The following CNTNAP2 variants were observed in gnomAD, a reference collection of about 807,000 sequenced individuals.
CNTNAP2 encodes contactin associated protein 2.
A neutral mutation model predicts 155.2 loss-of-function variants in CNTNAP2; 98 were observed. The observed-to-expected ratio is 0.63, with a 90% CI of 0.54 to 0.75. CNTNAP2 has a LOEUF of 0.75. Ranked by LOEUF, CNTNAP2 falls within the 30% of genes least tolerant of loss-of-function variation. The pLI is 0.00. For missense variants in CNTNAP2, 1,727 were observed against 1,688.1 expected, an observed-to-expected ratio of 1.02 and a Z score of -0.40; for synonymous variants, 651 against 631.2, an observed-to-expected ratio of 1.03 and a Z score of -0.47.
At chr7:146,339,239 A>G (rs1380942874) in intron 1 of CNTNAP2, among the ~76,000 whole-genome samples, 2 of 151,696 alleles carry the variant, frequency 1.3e-5, no homozygotes, top group East Asian at 1.9e-4. Flanking sequence ...CTATGTGTAC[A>G]TATGTACACA....
intron 16 of CNTNAP2, among the ~76,000 whole-genome samples, chr7:148,132,476 A>G (rs2116630121): frequency 6.6e-6 from 1 of 150,552 alleles, no homozygotes; most frequent in South Asian, 2.1e-4. Context: ...CCTGAAATGT[A>G]TTTTAATGTA....
rs535394711 is a variant in CNTNAP2 at position 148,140,505 on chromosome 7, C to G, written c.2555-6986C>G. ...ATGGCACCATCTCGGCTCACCACAA[C>G]CTCCACCTCCCAGGTTCATGTGATT... On this transcript the variant is annotated intron_variant, in intron 16 of 23. Coordinates refer to ENST00000361727, the MANE Select transcript of CNTNAP2 (RefSeq NM_014141.6). 2.0e-5 allele frequency among the ~76,000 whole-genome samples: 3 copies of G among 151,400 alleles called. No individual in the cohort carries two copies. In the South Asian group the frequency reaches 6.3e-4, roughly 32 times the overall value.
At chr7:148,059,917 A>G (rs1376007522) in intron 15 of CNTNAP2, among the ~76,000 whole-genome samples, 1 of 152,106 alleles carries the variant, frequency 6.6e-6, no homozygotes, top group Non-Finnish European at 1.5e-5. Context: ...GTGCTTTGAC[A>G]GTTACAGTAA....
chr7:146,942,893 T>C (rs1015976931), intron 3 of CNTNAP2, among the ~76,000 whole-genome samples: 8 of 152,214 alleles, frequency 5.3e-5, no homozygotes, highest in Non-Finnish European at 8.8e-5. Context: ...TTATTATAAA[T>C]GATTGGGAAT....
intron 13 of CNTNAP2, among the ~76,000 whole-genome samples, chr7:147,868,309 C>A (rs1466166264): frequency 6.6e-6 from 1 of 152,164 alleles, no homozygotes; most frequent in African/African-American, 2.4e-5. Flanking sequence ...TGCAGAACAA[C>A]AAATATTGCT....
At chr7:147,276,438 G>A (rs1804897881) in intron 8 of CNTNAP2, among the ~76,000 whole-genome samples, 1 of 151,938 alleles carries the variant, frequency 6.6e-6, no homozygotes, top group African/African-American at 2.4e-5. Context: ...TTTGTAAGTT[G>A]AATTAAATAG....
intron 1 of CNTNAP2, among the ~76,000 whole-genome samples, chr7:146,641,836 A>G (rs1014918481): frequency 1.3e-5 from 2 of 152,220 alleles, no homozygotes; most frequent in African/African-American, 4.8e-5. Flanking sequence ...TGAGCATATT[A>G]AAACCTAATA....
At chr7:147,825,124 T>C (rs1453597204) in intron 13 of CNTNAP2, among the ~76,000 whole-genome samples, 3 of 152,248 alleles carry the variant, frequency 2.0e-5, no homozygotes, top group Admixed American at 2.0e-4. Flanking sequence ...TAGGATTCAA[T>C]AGTTATAGTT....
intron 11 of CNTNAP2, among the ~76,000 whole-genome samples, chr7:147,557,449 A>G (rs193073986): frequency 3.2e-4 from 48 of 151,754 alleles, no homozygotes; most frequent in Admixed American, 2.8e-3. Flanking sequence ...AAATCAATAG[A>G]CTTGATGAGT....
intron 1 of CNTNAP2, among the ~76,000 whole-genome samples, chr7:146,665,270 C>A (rs114405713): frequency 6.6e-6 from 1 of 152,102 alleles, no homozygotes; most frequent in Non-Finnish European, 1.5e-5. Flanking sequence ...TGACATTTAT[C>A]ATTCCTTTCT....
intron 8 of CNTNAP2, among the ~76,000 whole-genome samples, chr7:147,284,422 C>T (rs1300373715): frequency 9.2e-5 from 14 of 151,712 alleles, no homozygotes; most frequent in African/African-American, 1.9e-4. Flanking sequence ...TCCTGTCTTA[C>T]GTAGCATGTA....
At chr7:147,902,778 T>TTGTGTGTGTGTG (rs564991239) in intron 13 of CNTNAP2, among the ~76,000 whole-genome samples, 8 of 136,716 alleles carry the variant, frequency 5.9e-5, no homozygotes, top group South Asian at 5.0e-4. Context: ...TCATATATGT[T>TTGTGTGTGTGTG]TGTGTGTGTG....
chr7:146,407,778 C>G (rs368647420), intron 1 of CNTNAP2, among the ~76,000 whole-genome samples: 6 of 152,086 alleles, frequency 3.9e-5, no homozygotes, highest in African/African-American at 1.4e-4. Flanking sequence ...TCTTCTTCTA[C>G]GTCTGCCACC....
At chr7:146,784,157 GTTAA>G (rs1413028147) in intron 2 of CNTNAP2, among the ~76,000 whole-genome samples, 1 of 152,114 alleles carries the variant, frequency 6.6e-6, no homozygotes, top group Non-Finnish European at 1.5e-5. Flanking sequence ...GAATTTTTTA[GTTAA>G]TTATTTTTAG....
intron 9 of CNTNAP2, among the ~76,000 whole-genome samples, chr7:147,329,440 A>G (rs892191563): frequency 2.6e-5 from 4 of 152,068 alleles, no homozygotes; most frequent in Non-Finnish European, 4.4e-5. Flanking sequence ...CCAGTTTTTT[A>G]TAGAATAATG....
intron 10 of CNTNAP2, among the ~76,000 whole-genome samples, chr7:147,450,202 T>C (rs1797807322): frequency 6.6e-6 from 1 of 152,120 alleles, no homozygotes; most frequent in African/African-American, 2.4e-5. Context: ...GAGAAAGTCA[T>C]AGAGATTAGA....
chr7:146,518,307 G>T (rs1236238423), intron 1 of CNTNAP2, among the ~76,000 whole-genome samples: 2 of 151,400 alleles, frequency 1.3e-5, no homozygotes, highest in African/African-American at 2.4e-5. Flanking sequence ...TAATTGAACA[G>T]CTCTTTGGTT....
intron 4 of CNTNAP2, among the ~76,000 whole-genome samples, chr7:147,080,369 T>C (rs1268759636): frequency 2.6e-5 from 4 of 152,274 alleles, no homozygotes; most frequent in African/African-American, 9.6e-5. Flanking sequence ...CTTACTCAAC[T>C]TCGTATCCAG....
intron 1 of CNTNAP2, among the ~76,000 whole-genome samples, chr7:146,711,121 G>GAC (rs975642110): frequency 6.7e-6 from 1 of 149,962 alleles, no homozygotes; most frequent in Admixed American, 6.7e-5. Context: ...CACACACACA[G>GAC]ACACACACAC....
Sources: gnomAD v4.1 joint callset for allele counts (sites outside exome capture counted in the v4.1 genomes callset) on GRCh38, gnomAD v4.1.1 for gene constraint, MANE v1.5 for transcripts, NCBI Gene and HGNC (gene_info 2026-07-23, HGNC 2026-07-21) for gene names.